MGAT4C: variants seen among roughly 807,000 people sequenced by gnomAD.
MGAT4C encodes MGAT4 family member C.
A neutral mutation model predicts 40.1 loss-of-function variants in MGAT4C; 19 were observed. That is an observed-to-expected ratio of 0.47 (90% CI 0.33 to 0.70). The LOEUF (loss-of-function observed/expected upper bound fraction) is 0.70. MGAT4C is among the 30% of genes least tolerant of loss of function. MGAT4C has a pLI of 0.02. For synonymous variants in MGAT4C, 181 were observed against 187.1 expected, an observed-to-expected ratio of 0.97 and a Z score of 0.27; for missense variants, 491 against 563.2, an observed-to-expected ratio of 0.87 and a Z score of 1.30.
chr12:86,817,349 T>C (rs1952626027), intron 1 of MGAT4C, among the ~76,000 whole-genome samples: 1 of 151,528 alleles, frequency 6.6e-6, no homozygotes, highest in African/African-American at 2.4e-5. Flanking sequence ...GTATTGTTTT[T>C]ACATTGTAAT....
intron 1 of MGAT4C, among the ~76,000 whole-genome samples, chr12:86,189,348 T>G (rs555412269): frequency 6.6e-6 from 1 of 151,896 alleles, no homozygotes; most frequent in African/African-American, 2.4e-5. Context: ...ATTCTCAAGA[T>G]GTAATATATT....
chr12:86,031,676 G>T (rs1890766600), intron 2 of MGAT4C, among the ~76,000 whole-genome samples: 1 of 151,838 alleles, frequency 6.6e-6, no homozygotes, highest in African/African-American at 2.4e-5. Flanking sequence ...TGCAAAAATG[G>T]AGCAATTTCA....
At chr12:86,635,249 A>G (rs1452598360) in intron 2 of MGAT4C, among the ~76,000 whole-genome samples, 1 of 152,104 alleles carries the variant, frequency 6.6e-6, no homozygotes, top group Non-Finnish European at 1.5e-5. Flanking sequence ...TCAAATGCCA[A>G]TTTTATAACC....
At chr12:86,789,325 C>G (rs1050227969) in intron 1 of MGAT4C, among the ~76,000 whole-genome samples, 4 of 152,062 alleles carry the variant, frequency 2.6e-5, no homozygotes, top group African/African-American at 7.2e-5. Flanking sequence ...TCTTTAATCA[C>G]ACAAGAACAG....
At chr12:86,268,578 T>C (rs1281132210) in intron 4 of MGAT4C, among the ~76,000 whole-genome samples, 3 of 150,758 alleles carry the variant, frequency 2.0e-5, no homozygotes, top group Non-Finnish European at 4.4e-5. Flanking sequence ...AAAACATTAG[T>C]AAAGAGAAGA....
intron 1 of MGAT4C, among the ~76,000 whole-genome samples, chr12:86,216,043 G>T (rs541738768): frequency 6.6e-6 from 1 of 152,222 alleles, no homozygotes; most frequent in South Asian, 2.1e-4. Context: ...ATAAACATGA[G>T]ATTTTTAAAT....
intron 1 of MGAT4C, among the ~76,000 whole-genome samples, chr12:86,781,449 G>A (rs1159920772): frequency 6.6e-6 from 1 of 152,096 alleles, no homozygotes; most frequent in Non-Finnish European, 1.5e-5. Flanking sequence ...CAAAAACTGT[G>A]TAGATTCTTA....
intron 4 of MGAT4C, among the ~76,000 whole-genome samples, chr12:86,310,814 C>T (rs915319558): frequency 6.6e-6 from 1 of 152,120 alleles, no homozygotes; most frequent in East Asian, 1.9e-4. Context: ...ATCCCAGCTA[C>T]TCGGGAGGCT....
intron 1 of MGAT4C, among the ~76,000 whole-genome samples, chr12:86,804,467 AT>A: frequency 6.6e-6 from 1 of 150,982 alleles, no homozygotes; most frequent in Non-Finnish European, 1.5e-5. Context: ...GAAGAAAAAA[AT>A]ATATATTTTT....
rs1884060801 is a variant in MGAT4C, at chr12:85,977,260, T to C, written c.*2029A>G. 1 of 151,430 alleles carries C rather than the reference T, an allele frequency of 6.6e-6. No homozygotes were observed. Among genetic ancestry groups the C allele is most frequent in the Non-Finnish European group, 1.5e-5 (1 of 67,480 alleles). 9.4% of individuals were successfully genotyped at this position (151,430 alleles called of 1,614,324 possible). A position where few individuals can be genotyped will look rare whatever the true frequency, so the allele number is the denominator to read the frequency against. ...AGGGAGTCTGCCTAGCTCTTGATAT[T>C]ACATGTCTTTGGCATACAATTGTGT... On this transcript the variant is annotated 3_prime_UTR_variant, in exon 5 of 5. Transcript: ENST00000611864.
chr12:86,426,965 A>C (rs1340067744), intron 3 of MGAT4C, among the ~76,000 whole-genome samples: 1 of 150,958 alleles, frequency 6.6e-6, no homozygotes, highest in Non-Finnish European at 1.5e-5. Context: ...AAAAAGAAGA[A>C]GAGAGAGAGA....
chr12:86,319,879 T>TG (rs1954337464), intron 4 of MGAT4C, among the ~76,000 whole-genome samples: 1 of 152,152 alleles, frequency 6.6e-6, no homozygotes, highest in Admixed American at 6.6e-5. Context: ...ATGATAAAAT[T>TG]TTTTTAAAGT....
intron 4 of MGAT4C, among the ~76,000 whole-genome samples, chr12:86,299,608 C>T (rs1291549449): frequency 1.3e-5 from 2 of 152,106 alleles, no homozygotes; most frequent in South Asian, 2.1e-4. Context: ...AACACTTTTA[C>T]ATTCATGAAC....
At chr12:86,204,990 GA>G (rs1158598247) in intron 1 of MGAT4C, among the ~76,000 whole-genome samples, 3 of 151,912 alleles carry the variant, frequency 2.0e-5, no homozygotes, top group South Asian at 2.1e-4. Context: ...TAAAATAATT[GA>G]AAAAAATTGC....
chr12:86,523,480 T>G (rs1166847222), intron 2 of MGAT4C, among the ~76,000 whole-genome samples: 2 of 152,194 alleles, frequency 1.3e-5, no homozygotes, highest in Non-Finnish European at 2.9e-5. Context: ...TCAGTACTTC[T>G]GCATTTGCTG....
At chr12:86,655,174 G>C (rs1426144676) in intron 2 of MGAT4C, among the ~76,000 whole-genome samples, 1 of 151,570 alleles carries the variant, frequency 6.6e-6, no homozygotes, top group Non-Finnish European at 1.5e-5. Context: ...CTCTAATGTT[G>C]TCCCTCCCCC....
At chr12:86,251,236 C>T (rs1190102359) in intron 1 of MGAT4C, among the ~76,000 whole-genome samples, 1 of 149,476 alleles carries the variant, frequency 6.7e-6, no homozygotes, top group Non-Finnish European at 1.5e-5. Context: ...TATTAAAAGT[C>T]AACATTTAAA....
At chr12:86,722,798 C>T (rs1240490660) in intron 2 of MGAT4C, among the ~76,000 whole-genome samples, 6 of 152,144 alleles carry the variant, frequency 3.9e-5, no homozygotes, top group African/African-American at 1.4e-4. Flanking sequence ...CAAAAATTAA[C>T]TCTAGGTCAA....
chr12:86,767,814 C>T lies in MGAT4C; in HGVS notation c.-261-40573G>A, dbSNP rs556310686. Among the ~76,000 whole-genome samples the T allele has an allele frequency of 3.5e-3, 529 of 152,254 alleles. 2 individuals carry two copies. Among genetic ancestry groups the T allele is most frequent in the African/African-American group, 0.013 (521 of 41,528 alleles). On this transcript the variant is annotated intron_variant, in intron 1 of 7. Coordinates refer to the MGAT4C transcript ENST00000548651. ...AGAAAAGGCCTTTGACAAAATTCAACAACCCTTCATGCTAAAAACTCTCAG... is the reference window on the plus strand; with the variant it reads ...AGAAAAGGCCTTTGACAAAATTCAATAACCCTTCATGCTAAAAACTCTCAG...
Sources: gnomAD v4.1 joint callset for allele counts (sites outside exome capture counted in the v4.1 genomes callset) on GRCh38, gnomAD v4.1.1 for gene constraint, MANE v1.5 for transcripts, NCBI Gene and HGNC (gene_info 2026-07-23, HGNC 2026-07-21) for gene names.